The following ZNF121 variants were observed in gnomAD, a reference collection of about 807,000 sequenced individuals.
ZNF121 encodes the protein zinc finger protein 121, also known as zinc finger protein 121 (clone ZHC32).
ZNF121 carries 1 observed loss-of-function variant against 2.4 expected under a neutral mutation model. The ratio of observed to expected loss-of-function variants is 0.41; its 90% CI spans 0.15 to 1.94. The LOEUF (loss-of-function observed/expected upper bound fraction) is 1.94, where lower values mean the gene tolerates loss of function less well. ZNF121 is among the 30% of genes most tolerant of loss of function. ZNF121 has a pLI of 0.30. For synonymous variants in ZNF121, 173 were observed against 158.6 expected (o/e 1.09, Z -0.68); for missense variants, 369 against 466.3 (o/e 0.79, Z 1.92).
At position 9,581,987 on chromosome 19, in the gene ZNF121, G is replaced by A. The variant is rs370646099; in HGVS notation, c.-160+2474C>T. Among the ~76,000 whole-genome samples the A allele has an allele frequency of 3.3e-5, 5 of 152,094 alleles. No individual in the cohort carries two copies. The East Asian group carries it at 7.7e-4, about 23-fold the overall frequency. ...TTCACCATAAAATGTATTTACCTGA[G>A]GTGAAAGAAAACAAGCACAATGCTC... is the stretch of plus-strand genomic sequence containing the variant. On this transcript the variant is annotated intron_variant, in intron 1 of 3. Coordinates refer to ENST00000320451, the MANE Select transcript of ZNF121 (RefSeq NM_001008727.5).
intron 1 of ZNF121, among the ~76,000 whole-genome samples, chr19:9,570,917 G>A (rs1419986818): frequency 6.6e-6 from 1 of 152,164 alleles, no homozygotes; most frequent in Non-Finnish European, 1.5e-5. Context: ...AGGGGACCCA[G>A]AATAGCAGAA....
chr19:9,562,333 T>C lies in ZNF121; in HGVS notation c.*3607A>G, dbSNP rs1034659930. 7 of 173,426 alleles carry C rather than the reference T, an allele frequency of 4.0e-5. No individual in the cohort carries two copies. In the Admixed American group the frequency reaches 4.2e-4, roughly 10 times the overall value. 10.7% of individuals were successfully genotyped at this position (173,426 alleles called of 1,614,324 possible). On this transcript the variant is annotated 3_prime_UTR_variant, in exon 4 of 4. Transcript: ENST00000320451. ...GTGCCTGCCACCATGCCCGGCTAATTTTTTGTATTTTTAGTAGAGACGGGG... is the reference window on the plus strand; with the variant it reads ...GTGCCTGCCACCATGCCCGGCTAATCTTTTGTATTTTTAGTAGAGACGGGG...
At chr19:9,572,109 T>C (rs1429760660) in intron 1 of ZNF121, among the ~76,000 whole-genome samples, 1 of 152,144 alleles carries the variant, frequency 6.6e-6, no homozygotes, top group African/African-American at 2.4e-5. Context: ...GCATTTACGG[T>C]TCCAAAATGG....
At chr19:9,576,266 G>A (rs2074209459) in intron 1 of ZNF121, among the ~76,000 whole-genome samples, 1 of 151,928 alleles carries the variant, frequency 6.6e-6, no homozygotes, top group Non-Finnish European at 1.5e-5. Context: ...GGCCAACATG[G>A]GGAGACTGCT....
intron 1 of ZNF121, among the ~76,000 whole-genome samples, chr19:9,580,621 G>C (rs1041061740): frequency 7.2e-5 from 11 of 152,218 alleles, no homozygotes; most frequent in Non-Finnish European, 1.2e-4. Context: ...GCCCCACACA[G>C]TTGCCTGTAA....
rs1190531813 is a variant in ZNF121, at chr19:9,566,164, A to T, written c.949T>A (p.Cys317Ser). ...GAAGATGTAGCAAAGGCTTTCCCAC[A>T]GTCCTTACATTCATAGGGCTTCTCT... ...TGEKPYECKD[C>S]GKAFATSSQL... Residue 317 changes from cysteine (C) to serine (S), a missense_variant, in exon 4 of 4, where the codon TGT (cysteine) becomes AGT (serine). Coordinates refer to ENST00000320451, the MANE Select transcript of ZNF121 (RefSeq NM_001008727.5). The T allele has an allele frequency of 6.2e-7, 1 of 1,614,180 alleles. No homozygotes were observed. Among genetic ancestry groups the T allele is most frequent in the South Asian group, 1.1e-5 (1 of 91,082 alleles).
chr19:9,582,593 A>T (rs1444318728), intron 1 of ZNF121, among the ~76,000 whole-genome samples: 2 of 152,082 alleles, frequency 1.3e-5, no homozygotes, highest in African/African-American at 4.8e-5. Context: ...TAAAAGCTTT[A>T]TTGCTCATAC....
In ZNF121 at chr19:9,566,791, T is replaced by A. The variant is rs374284850; in HGVS notation, c.322A>T (p.Ile108Leu). The A allele has an allele frequency of 2.5e-6, 4 of 1,614,068 alleles. No individual in the cohort carries two copies. In the African/African-American group the frequency reaches 5.3e-5, roughly 22 times the overall value. The change falls in exon 4 of 4, where the codon ATA becomes TTA. Residue 108 changes from isoleucine to leucine, a missense_variant. Ile to Leu is a conservative substitution (Grantham distance 5). Around this residue, in one of 4 missense-constraint regions of ZNF121, gnomAD observed 168 missense variants for 162.3 expected, o/e 1.03. Transcript: ENST00000320451. ...VDQSHLQANR[I>L]THNGETLYEQ... ...TAGAGTGTTTCTCCATTGTGAGTTA[T>A]CCTATTTGCCTGAAGATGTGACTGA...
chr19:9,572,439 C>T (rs181578481), intron 1 of ZNF121, among the ~76,000 whole-genome samples: 1 of 152,246 alleles, frequency 6.6e-6, no homozygotes, highest in East Asian at 1.9e-4. Flanking sequence ...ATTACAAATG[C>T]CTGAAGGGAG....
intron 1 of ZNF121, among the ~76,000 whole-genome samples, chr19:9,573,275 CAGA>C (rs1485069494): frequency 4.6e-5 from 7 of 152,072 alleles, no homozygotes; most frequent in Admixed American, 4.6e-4. Context: ...CAAAATAACA[CAGA>C]AGAGCAACTC....
rs2074099127 is a variant in ZNF121 at position 9,561,248 on chromosome 19, A to G, written c.*4692T>C. ...TACCTAGGAACACCTCCCTACACAG[A>G]GACTGCAGCTTCTAAATAGTATTCT... On this transcript the variant is annotated 3_prime_UTR_variant, in exon 4 of 4. Coordinates refer to ENST00000320451, the MANE Select transcript of ZNF121 (RefSeq NM_001008727.5). 6.6e-6 allele frequency: 1 copy of G among 152,252 alleles called. No individual in the cohort carries two copies. Among genetic ancestry groups the G allele is most frequent in the Non-Finnish European group, 1.5e-5 (1 of 68,026 alleles). The allele number at this position is 152,252 out of a possible 1,614,324, so 9.4% of individuals were successfully genotyped here. A position where few individuals can be genotyped will look rare whatever the true frequency, so the allele number is the denominator to read the frequency against.
In ZNF121 at chr19:9,564,077, T is replaced by C. The variant is rs1001142697; in HGVS notation, c.*1863A>G. 1 of 152,222 alleles carries C rather than the reference T, an allele frequency of 6.6e-6. No individual in the cohort carries two copies. Among genetic ancestry groups the C allele is most frequent in the Non-Finnish European group, 1.5e-5 (1 of 68,038 alleles). 9.4% of individuals were successfully genotyped at this position (152,222 alleles called of 1,614,324 possible). ...CTTATTATTTAAGAAATACATTTCA[T>C]AAGGCTATAGCTGCCACTAATAATG... On this transcript the variant is annotated 3_prime_UTR_variant, in exon 4 of 4. Transcript: ENST00000320451.
chr19:9,576,695 GAA>G (rs1390193820), intron 1 of ZNF121, among the ~76,000 whole-genome samples: 2 of 151,850 alleles, frequency 1.3e-5, no homozygotes, highest in African/African-American at 4.8e-5. Flanking sequence ...TTGATTACTT[GAA>G]AAGATAAACA....
chr19:9,572,689 A>G (rs1195061493), intron 1 of ZNF121, among the ~76,000 whole-genome samples: 1 of 152,208 alleles, frequency 6.6e-6, no homozygotes, highest in Non-Finnish European at 1.5e-5. Context: ...TATTCTTGAT[A>G]GTTTGCTATA....
intron 1 of ZNF121, among the ~76,000 whole-genome samples, chr19:9,569,353 G>A (rs2074156944): frequency 6.6e-6 from 1 of 151,892 alleles, no homozygotes; most frequent in Non-Finnish European, 1.5e-5. Flanking sequence ...GGCTGAGGTG[G>A]GAGAATCACC....
chr19:9,575,733 ACT>A (rs753347134), intron 1 of ZNF121, among the ~76,000 whole-genome samples: 2 of 151,972 alleles, frequency 1.3e-5, no homozygotes, highest in Non-Finnish European at 2.9e-5. Flanking sequence ...ACAGAGCAAG[ACT>A]CTGTCTCAAA....
rs779115564 is a variant in ZNF121 at position 9,566,829 on chromosome 19, T to A, written c.284A>T (p.Glu95Val). The A allele has an allele frequency of 7.4e-6, 12 of 1,614,098 alleles. No individual in the cohort carries two copies. The African/African-American group carries it at 1.6e-4, about 22-fold the overall frequency. The change falls in exon 4 of 4, where the codon GAA (glutamate) becomes GTA (valine). Residue 95 changes from glutamate (E) to valine (V), a missense_variant. Around this residue, in one of 4 missense-constraint regions of ZNF121, gnomAD observed 168 missense variants for 162.3 expected, o/e 1.03. Coordinates refer to ENST00000320451, the MANE Select transcript of ZNF121 (RefSeq NM_001008727.5). The part of the protein sequence containing the change: ...DKSFEYSDCE[E>V]AFVDQSHLQA... ...AAGATGTGACTGATCAACAAAGGCT[T>A]CCTCACAGTCACTGTATTCAAAGGA... is the stretch of plus-strand genomic sequence containing the variant.
chr19:9,568,154 A>T lies in ZNF121; in HGVS notation c.-57T>A. On this transcript the variant is annotated 5_prime_UTR_variant, in exon 3 of 4. Transcript: ENST00000320451. ...AAAAAAATGTTGTTGAGGTGCTGAC[A>T]CTTTGGTTTTAACTTGCCATTCTGA... The T allele has an allele frequency of 6.7e-7, 1 of 1,501,298 alleles. No homozygotes were observed. Among genetic ancestry groups the T allele is most frequent in the Non-Finnish European group, 9.0e-7 (1 of 1,109,930 alleles). 93.0% of individuals were successfully genotyped at this position (1,501,298 alleles called of 1,614,324 possible).
chr19:9,566,528 A>C lies in ZNF121; in HGVS notation c.585T>G (p.Thr195=), dbSNP rs2074133248. 6.2e-7 allele frequency: 1 copy of C among 1,614,114 alleles called. No homozygotes were observed. ...CCTTACATTGATAAGGTTTCTCTCCAGTATGAATTCTTACATGTTCAACTA... is the reference window on the plus strand; with the variant it reads ...CCTTACATTGATAAGGTTTCTCTCCCGTATGAATTCTTACATGTTCAACTA... ...SHLVEHVRIH[T]GEKPYQCKEC... The change falls in exon 4 of 4, where the codon ACT becomes ACG. Residue 195 remains threonine (T), a synonymous_variant. Coordinates refer to ENST00000320451, the MANE Select transcript of ZNF121 (RefSeq NM_001008727.5).
Sources: allele counts gnomAD v4.1 joint callset (sites outside exome capture counted in the v4.1 genomes callset), GRCh38; gene constraint gnomAD v4.1.1; regional missense constraint gnomAD v4.1.1; transcripts MANE v1.5; gene names NCBI Gene and HGNC (gene_info 2026-07-23, HGNC 2026-07-21).